The following RTN4R variants were observed in gnomAD, a reference collection of about 807,000 sequenced individuals.
The protein encoded by RTN4R is reticulon 4 receptor.
In RTN4R, 4 loss-of-function variants were observed where a neutral mutation model predicts 27.7. The observed-to-expected ratio is 0.14, with a 90% confidence interval of 0.07 to 0.33. The LOEUF (loss-of-function observed/expected upper bound fraction) is 0.33. RTN4R is among the 10% of genes least tolerant of loss of function. RTN4R has a pLI of 1.00. For missense variants in RTN4R, 554 were observed against 671.5 expected, an observed-to-expected ratio of 0.83 and a Z score of 1.93; for synonymous variants, 290 against 305.6, an observed-to-expected ratio of 0.95 and a Z score of 0.53.
chr22:20,265,001 C>T (rs9618762), intron 1 of RTN4R, among the ~76,000 whole-genome samples: 1,963 of 149,092 alleles, frequency 0.013, 36 homozygotes, highest in African/African-American at 0.048. Context: ...GTGCTTCCTG[C>T]TCTTGACCCC....
intron 1 of RTN4R, chr22:20,243,472 G>C (rs2051121823): frequency 1.9e-6 from 1 of 537,394 alleles, no homozygotes; most frequent in African/African-American, 1.9e-5. Context: ...TGAACACAGA[G>C]CCCGCATTGC....
chr22:20,242,844 C>T lies in RTN4R; in HGVS notation c.289G>A (p.Asp97Asn), dbSNP rs1221704983. 6.2e-7 allele frequency: 1 copy of T among 1,613,004 alleles called. No homozygotes were observed. Among genetic ancestry groups the T allele is most frequent in the African/African-American group, 1.3e-5 (1 of 75,022 alleles). The change falls in exon 2 of 2, where the codon GAT becomes AAT. Residue 97 changes from aspartate (D) to asparagine (N), a missense_variant. Around this residue, in one of 2 missense-constraint regions of RTN4R, gnomAD observed 413 missense variants for 542.3 expected, o/e 0.76. Transcript: ENST00000043402. ...WLHSNVLARI[D>N]AAAFTGLALL... The stretch of plus-strand genomic sequence containing the variant: ...GCCAGGCCAGTGAAGGCAGCCGCAT[C>T]AATTCGGGCCAGCACATTCGAGTGC...
chr22:20,254,775 G>C (rs1304407104), intron 1 of RTN4R, among the ~76,000 whole-genome samples: 2 of 152,060 alleles, frequency 1.3e-5, no homozygotes, highest in Non-Finnish European at 2.9e-5. Flanking sequence ...TGCTTGGGGT[G>C]AATCTTTATC....
chr22:20,248,450 G>C (rs17818126), intron 1 of RTN4R, among the ~76,000 whole-genome samples: 1 of 152,194 alleles, frequency 6.6e-6, no homozygotes, highest in African/African-American at 2.4e-5. Flanking sequence ...AGCTAGCAGA[G>C]GATGGCCTGG....
At position 20,241,834 on chromosome 22, in the gene RTN4R, C is replaced by A; in HGVS notation, c.1299G>T (p.Gln433His). 6.2e-7 allele frequency: 1 copy of A among 1,604,922 alleles called. No homozygotes were observed. Among genetic ancestry groups the A allele is most frequent in the South Asian group, 1.1e-5 (1 of 90,086 alleles). The change falls in exon 2 of 2, where the codon CAG becomes CAT. Residue 433 changes from glutamine to histidine, a missense_variant. Physicochemically the swap from Gln to His is conservative, Grantham distance 24. This residue lies in a region of RTN4R where 141 missense variants were observed against 129.2 expected (regional missense o/e 1.09). Coordinates refer to ENST00000043402, the MANE Select transcript of RTN4R (RefSeq NM_023004.6). Reference protein sequence around the residue: ...NRTRSHCRLGQAGSGGGGTGD... With the variant: ...NRTRSHCRLGHAGSGGGGTGD... ...CAGTCCCGCCACCCCCGCTGCCTGC[C>A]TGGCCCAGACGGCAGTGGCTGCGGG...
chr22:20,257,043 A>G (rs75992217), intron 1 of RTN4R, among the ~76,000 whole-genome samples: 1,735 of 152,352 alleles, frequency 0.011, 32 homozygotes, highest in African/African-American at 0.039. Flanking sequence ...TGACCCGCAT[A>G]CAGGAGGTGC....
intron 1 of RTN4R, among the ~76,000 whole-genome samples, chr22:20,247,845 A>T (rs886816222): frequency 4.6e-5 from 7 of 152,212 alleles, no homozygotes; most frequent in African/African-American, 1.7e-4. Context: ...AGGCCTAGCT[A>T]GCTACATGCT....
In RTN4R at chr22:20,256,339, C is replaced by A. The variant is rs2145980962; in HGVS notation, c.22+11732G>T. On this transcript the variant is annotated intron_variant, in intron 1 of 1. Transcript: ENST00000043402. ...ATGCACAGGCCATACTGCATTCATC[C>A]CCCCATGTAAGCCCCAAAGACTGGG... is the stretch of plus-strand genomic sequence containing the variant. Among the ~76,000 whole-genome samples, 5 of 152,306 alleles carry A rather than the reference C, an allele frequency of 3.3e-5. No homozygotes were observed. The South Asian group carries it at 1.0e-3, about 32-fold the overall frequency.
Position 20,254,400 on chromosome 22 carries a change from G to A in RTN4R, c.23-11290C>T, listed in dbSNP as rs142238138. 3.4e-3 allele frequency among the ~76,000 whole-genome samples: 520 copies of A among 150,984 alleles called. 7 individuals are homozygous for A. In the East Asian group the frequency reaches 0.062, roughly 18 times the overall value. On this transcript the variant is annotated intron_variant, in intron 1 of 1. Transcript: ENST00000043402. ...GCCATGATCATGCCACTGCACTCCA[G>A]CCTGGGTGACAGAGTGAGACTTTCT...
chr22:20,243,023 G>A lies in RTN4R; in HGVS notation c.110C>T (p.Pro37Leu). The A allele has an allele frequency of 6.2e-7, 1 of 1,606,364 alleles. No homozygotes were observed. Among genetic ancestry groups the A allele is most frequent in the Non-Finnish European group, 8.5e-7 (1 of 1,179,934 alleles). ...CTGGGGGCAGCTTGTCGTCACCTTGGGCTCATTGTAGCATACGCAGGCACC... is the reference window on the plus strand; with the variant it reads ...CTGGGGGCAGCTTGTCGTCACCTTGAGCTCATTGTAGCATACGCAGGCACC... ...CPGACVCYNE[P>L]KVTTSCPQQG... The change falls in exon 2 of 2, where the codon CCC (proline) becomes CTC (leucine). Residue 37 changes from proline to leucine, a missense_variant. Physicochemically the swap from Pro to Leu is moderately conservative, Grantham distance 98. Around this residue, in one of 2 missense-constraint regions of RTN4R, gnomAD observed 413 missense variants for 542.3 expected, o/e 0.76. Transcript: ENST00000043402.
Position 20,241,568 on chromosome 22 carries a change from G to T in RTN4R, c.*143C>A. On this transcript the variant is annotated 3_prime_UTR_variant, in exon 2 of 2. Transcript: ENST00000043402. ...TAAACATGATGGGGTGGAGATGGGG[G>T]TGGCGGGCGGCAGGCGTCCATCAGG... The T allele has an allele frequency of 1.2e-6, 1 of 820,516 alleles. No homozygotes were observed. The highest frequency in any genetic ancestry group is 1.9e-6 in the Non-Finnish European group (1 of 518,538). 50.8% of individuals were successfully genotyped at this position (820,516 alleles called of 1,614,324 possible). A position where few individuals can be genotyped will look rare whatever the true frequency, so the allele number is the denominator to read the frequency against.
At chr22:20,262,195 G>C (rs570800662) in intron 1 of RTN4R, among the ~76,000 whole-genome samples, 12 of 152,332 alleles carry the variant, frequency 7.9e-5, no homozygotes, top group Admixed American at 2.0e-4. Flanking sequence ...GGGCTTGGAC[G>C]TTGGGTACGG....
intron 1 of RTN4R, among the ~76,000 whole-genome samples, chr22:20,244,850 T>A (rs2051130675): frequency 6.6e-6 from 1 of 152,082 alleles, no homozygotes; most frequent in Admixed American, 6.5e-5. Context: ...CACCACTGAC[T>A]GTGGGGGTCA....
intron 1 of RTN4R, among the ~76,000 whole-genome samples, chr22:20,250,202 G>A (rs954087463): frequency 2.0e-5 from 3 of 152,272 alleles, no homozygotes; most frequent in Admixed American, 6.5e-5. Flanking sequence ...TGTCAGAGCC[G>A]ACAGGCCTTG....
At chr22:20,252,910 C>T (rs571192721) in intron 1 of RTN4R, among the ~76,000 whole-genome samples, 73 of 152,306 alleles carry the variant, frequency 4.8e-4, no homozygotes, top group African/African-American at 1.6e-3. Flanking sequence ...ACCTACCTCC[C>T]CCCAGGACCC....
intron 1 of RTN4R, chr22:20,243,641 T>G: frequency 2.4e-6 from 1 of 415,560 alleles, no homozygotes; most frequent in South Asian, 1.8e-5. Context: ...TTAGGAGGAG[T>G]CGCGTCCCAC....
At chr22:20,250,848 C>A (rs1366761118) in intron 1 of RTN4R, among the ~76,000 whole-genome samples, 2 of 148,130 alleles carry the variant, frequency 1.4e-5, no homozygotes, top group East Asian at 3.9e-4. Context: ...CACACACACA[C>A]ATGCATGCAC....
chr22:20,264,337 A>G (rs1483001414), intron 1 of RTN4R, among the ~76,000 whole-genome samples: 1 of 152,212 alleles, frequency 6.6e-6, no homozygotes, highest in African/African-American at 2.4e-5. Context: ...CGATAAAAGA[A>G]GAAACGGCAG....
chr22:20,260,819 A>G (rs2051241790), intron 1 of RTN4R, among the ~76,000 whole-genome samples: 1 of 152,180 alleles, frequency 6.6e-6, no homozygotes, highest in African/African-American at 2.4e-5. Context: ...CTTCTCTCTG[A>G]GTCAGTGCAG....
Sources: gnomAD v4.1 joint callset for allele counts (sites outside exome capture counted in the v4.1 genomes callset) on GRCh38, gnomAD v4.1.1 for gene constraint, gnomAD v4.1.1 regional missense constraint, MANE v1.5 for transcripts, NCBI Gene and HGNC (gene_info 2026-07-23, HGNC 2026-07-21) for gene names.